DDX10: variants seen among roughly 807,000 people sequenced by gnomAD.
DDX10 encodes the protein DEAD-box helicase 10.
In DDX10, 74 loss-of-function variants were observed where a neutral mutation model predicts 104.3. The ratio of observed to expected loss-of-function variants is 0.71; its 90% CI spans 0.59 to 0.86. The LOEUF is 0.86. DDX10 is among the 40% of genes least tolerant of loss of function. The probability of loss-of-function intolerance (pLI) is 0.00; values close to 1 mark genes in which losing one functional copy is unlikely to be tolerated. For missense variants in DDX10, 952 were observed against 1,040.0 expected, an observed-to-expected ratio of 0.92 and a Z score of 1.16; for synonymous variants, 351 against 353.4, an observed-to-expected ratio of 0.99 and a Z score of 0.08.
intron 16 of DDX10, among the ~76,000 whole-genome samples, chr11:108,882,642 A>G (rs1158311878): frequency 6.6e-6 from 1 of 152,224 alleles, no homozygotes; most frequent in African/African-American, 2.4e-5. Flanking sequence ...TTATATGTAA[A>G]TAGAGAGTCA....
chr11:108,673,467 A>G lies in DDX10; in HGVS notation c.187A>G (p.Ile63Val). The change falls in exon 2 of 18, where the codon ATA (isoleucine) becomes GTA (valine). Residue 63 changes from isoleucine to valine, a missense_variant and splice_region_variant. Physicochemically the swap from Ile to Val is conservative, Grantham distance 29. This residue lies in a region of DDX10 where 412 missense variants were observed against 479.2 expected (regional missense o/e 0.86). Transcript: ENST00000322536. Reference sequence around the variant, plus strand: ...CTGATTCCTTTTTCTTTTTTTCCAGATAAATGTAAATGAAATCACAAGATT... The same window carrying G: ...CTGATTCCTTTTTCTTTTTTTCCAGGTAAATGTAAATGAAATCACAAGATT... ...ISRLMQNYEK[I>V]NVNEITRFSD... 1 of 1,583,934 alleles carries G rather than the reference A, an allele frequency of 6.3e-7. No homozygotes were observed. The highest frequency in any genetic ancestry group is 8.7e-7 in the Non-Finnish European group (1 of 1,153,518).
chr11:108,833,594 CA>C (rs1375170102), intron 13 of DDX10, among the ~76,000 whole-genome samples: 2 of 152,228 alleles, frequency 1.3e-5, no homozygotes, highest in East Asian at 1.9e-4. Flanking sequence ...TTTACTTCTT[CA>C]GGGGGGCAGG....
chr11:108,932,024 C>T (rs1303454678), intron 17 of DDX10, among the ~76,000 whole-genome samples: 1 of 151,810 alleles, frequency 6.6e-6, no homozygotes, highest in Non-Finnish European at 1.5e-5. Context: ...TTTTATATGT[C>T]AGCAAGGTAT....
chr11:108,736,319 AGT>A (rs940044171), intron 13 of DDX10, among the ~76,000 whole-genome samples: 2 of 151,738 alleles, frequency 1.3e-5, no homozygotes, highest in Non-Finnish European at 2.9e-5. Context: ...TGCATGTGTG[AGT>A]GTGTGTATTC....
At chr11:108,933,392 G>A (rs1863998901) in intron 17 of DDX10, among the ~76,000 whole-genome samples, 1 of 150,106 alleles carries the variant, frequency 6.7e-6, no homozygotes, top group Non-Finnish European at 1.5e-5. Context: ...AGAGGACTTA[G>A]AATAGCCAGA....
chr11:108,924,699 C>G (rs1269376891), intron 17 of DDX10, among the ~76,000 whole-genome samples: 1 of 152,168 alleles, frequency 6.6e-6, no homozygotes, highest in Non-Finnish European at 1.5e-5. Context: ...TCTGTGACAT[C>G]TCTTAAATAA....
chr11:108,765,890 A>G (rs891158175), intron 13 of DDX10, among the ~76,000 whole-genome samples: 4 of 152,196 alleles, frequency 2.6e-5, no homozygotes, highest in South Asian at 2.1e-4. Flanking sequence ...TTGTTGTTGA[A>G]TTTGGACACA....
At chr11:108,746,693 A>G (rs1042918633) in intron 13 of DDX10, among the ~76,000 whole-genome samples, 1 of 152,086 alleles carries the variant, frequency 6.6e-6, no homozygotes, top group African/African-American at 2.4e-5. Context: ...GAGTGTTCCA[A>G]TTCTTCCACA....
chr11:108,809,814 C>A (rs574858962), intron 13 of DDX10, among the ~76,000 whole-genome samples: 28 of 152,260 alleles, frequency 1.8e-4, no homozygotes, highest in African/African-American at 6.0e-4. Flanking sequence ...AATGAATTAA[C>A]AAATCTCTTT....
chr11:108,900,070 T>C (rs1392350165), intron 16 of DDX10, among the ~76,000 whole-genome samples: 1 of 151,672 alleles, frequency 6.6e-6, no homozygotes, highest in East Asian at 1.9e-4. Flanking sequence ...TTAAAATGCG[T>C]CACTGCACTC....
intron 13 of DDX10, among the ~76,000 whole-genome samples, chr11:108,781,126 T>G (rs2094377578): frequency 1.3e-5 from 2 of 152,272 alleles, no homozygotes; most frequent in Non-Finnish European, 2.9e-5. Flanking sequence ...TGCTCAGTGT[T>G]TAGCTCCCAC....
intron 13 of DDX10, among the ~76,000 whole-genome samples, chr11:108,795,253 T>C (rs1172767502): frequency 1.3e-5 from 2 of 151,958 alleles, no homozygotes; most frequent in East Asian, 1.9e-4. Flanking sequence ...CATTTTTTTT[T>C]CTCCAAATTG....
intron 13 of DDX10, among the ~76,000 whole-genome samples, chr11:108,784,406 C>G (rs571796486): frequency 5.9e-4 from 89 of 152,014 alleles, no homozygotes; most frequent in Non-Finnish European, 8.8e-4. Flanking sequence ...CCTGAACACC[C>G]GCTTGTTTTT....
chr11:108,792,362 C>T (rs1012919626), intron 13 of DDX10, among the ~76,000 whole-genome samples: 2 of 152,040 alleles, frequency 1.3e-5, no homozygotes, highest in African/African-American at 4.8e-5. Context: ...GGTTTTTGTC[C>T]TTTGTTCTGC....
At chr11:108,677,570 A>G (rs141118397) in intron 4 of DDX10, among the ~76,000 whole-genome samples, 21 of 151,964 alleles carry the variant, frequency 1.4e-4, no homozygotes, top group African/African-American at 5.1e-4. Context: ...TAAGGTATCT[A>G]TCTAAGAGGC....
chr11:108,670,929 G>A (rs556088368), intron 1 of DDX10, among the ~76,000 whole-genome samples: 98 of 152,004 alleles, frequency 6.4e-4, no homozygotes, highest in Non-Finnish European at 1.1e-3. Flanking sequence ...TCACTTTAGC[G>A]AGAAATAGGC....
At position 108,706,902 on chromosome 11, in the gene DDX10, A is replaced by G. The variant is rs909304159; in HGVS notation, c.1322+65A>G. The G allele has an allele frequency of 1.3e-5, 17 of 1,348,496 alleles. No individual in the cohort carries two copies. In the Admixed American group the frequency reaches 2.6e-4, roughly 20 times the overall value. 83.5% of individuals were successfully genotyped at this position (1,348,496 alleles called of 1,614,324 possible). On this transcript the variant is annotated intron_variant, in intron 10 of 17. Coordinates refer to ENST00000322536, the MANE Select transcript of DDX10 (RefSeq NM_004398.4). ...AGGGCATGAAATTGTTTGCTTAATT[A>G]TGTGCACCTAATTTGCCCCTTCCCC...
At chr11:108,687,022 T>C (rs2094245201) in intron 6 of DDX10, among the ~76,000 whole-genome samples, 1 of 152,126 alleles carries the variant, frequency 6.6e-6, no homozygotes, top group African/African-American at 2.4e-5. Flanking sequence ...CCTGACCTCG[T>C]GATCTGCCTG....
chr11:108,744,470 T>G (rs1272518998), intron 13 of DDX10, among the ~76,000 whole-genome samples: 1 of 152,120 alleles, frequency 6.6e-6, no homozygotes, highest in Non-Finnish European at 1.5e-5. Flanking sequence ...CAGTGAAAAG[T>G]CCATAGTGTA....
Sources: allele counts gnomAD v4.1 joint callset (sites outside exome capture counted in the v4.1 genomes callset), GRCh38; gene constraint gnomAD v4.1.1; regional missense constraint gnomAD v4.1.1; transcripts MANE v1.5; gene names NCBI Gene and HGNC (gene_info 2026-07-23, HGNC 2026-07-21).